Variants in SLC35F3 observed in about 807,000 individuals in gnomAD.
SLC35F3 encodes solute carrier family 35 member F3.
A neutral mutation model predicts 49.9 loss-of-function variants in SLC35F3; 25 were observed. That is an observed-to-expected ratio of 0.50 (90% CI 0.37 to 0.70). The LOEUF is 0.70. Ranked by LOEUF, SLC35F3 falls within the 30% of genes least tolerant of loss-of-function variation. The pLI, the probability that SLC35F3 is intolerant of heterozygous loss-of-function variation, is 0.00. For synonymous variants in SLC35F3, 275 were observed against 265.4 expected (o/e 1.04, Z -0.35); for missense variants, 525 against 639.8 (o/e 0.82, Z 1.94).
chr1:233,999,287 C>T (rs910803403), intron 2 of SLC35F3, among the ~76,000 whole-genome samples: 1 of 152,174 alleles, frequency 6.6e-6, no homozygotes, highest in Non-Finnish European at 1.5e-5. Flanking sequence ...TGATCATTCA[C>T]GGCAGAGCTT....
At chr1:234,108,487 G>A (rs1665329702) in intron 2 of SLC35F3, among the ~76,000 whole-genome samples, 3 of 93,258 alleles carry the variant, frequency 3.2e-5, no homozygotes, top group African/African-American at 4.0e-5. Context: ...ATATATAAAA[G>A]ATATATATTA....
rs1282353036 is a variant in SLC35F3 at position 234,076,444 on chromosome 1, T to C, written c.284-154973T>C. 2.6e-5 allele frequency among the ~76,000 whole-genome samples: 4 copies of C among 151,050 alleles called. No homozygotes were observed. The East Asian group carries it at 6.1e-4, about 23-fold the overall frequency. ...GAGACCCTGTCTCTCTCTACAAAAA[T>C]AATAATAATCATCATAATAATTTTT... On this transcript the variant is annotated intron_variant, in intron 2 of 7. Transcript: ENST00000366618.
At chr1:234,078,196 A>C (rs1182011246) in intron 2 of SLC35F3, among the ~76,000 whole-genome samples, 1 of 152,160 alleles carries the variant, frequency 6.6e-6, no homozygotes, top group Non-Finnish European at 1.5e-5. Flanking sequence ...ATTGGTCTTA[A>C]GTCTTTCTCA....
At chr1:234,310,945 T>C (rs560328462) in intron 4 of SLC35F3, among the ~76,000 whole-genome samples, 1 of 152,200 alleles carries the variant, frequency 6.6e-6, no homozygotes, top group Non-Finnish European at 1.5e-5. Context: ...CCTCAGAATA[T>C]GGCACATTCC....
intron 2 of SLC35F3, among the ~76,000 whole-genome samples, chr1:234,099,892 G>A (rs7523277): frequency 0.73 from 111,290 of 152,154 alleles, 41,089 homozygotes; most frequent in East Asian, 0.83. Flanking sequence ...TGCTTTAGAA[G>A]TATTTGCTAA....
At chr1:234,132,525 T>C (rs1187884941) in intron 2 of SLC35F3, among the ~76,000 whole-genome samples, 4 of 152,228 alleles carry the variant, frequency 2.6e-5, no homozygotes, top group African/African-American at 9.6e-5. Flanking sequence ...TTCAGCAGCA[T>C]TGTGTATTAA....
intron 2 of SLC35F3, among the ~76,000 whole-genome samples, chr1:234,208,217 G>GAATCATAA (rs1201811802): frequency 6.6e-6 from 1 of 152,148 alleles, no homozygotes; most frequent in Non-Finnish European, 1.5e-5. Context: ...GGTCTCAAGG[G>GAATCATAA]AATCATAAGT....
chr1:234,231,657 A>G lies in SLC35F3; in HGVS notation c.524A>G (p.Asn175Ser), dbSNP rs778098021. ...APFTLTWFAT[N>S]WNFLFFPLYY... The stretch of plus-strand genomic sequence containing the variant: ...TTCACCCTCACGTGGTTTGCCACCA[A>G]CTGGAACTTTTTATTCTTCCCGTTG... The change falls in exon 3 of 8, where the codon AAC becomes AGC. Residue 175 changes from asparagine (N) to serine (S), a missense_variant. Physicochemically the swap from Asn to Ser is conservative, Grantham distance 46. Coordinates refer to ENST00000366618, the MANE Select transcript of SLC35F3 (RefSeq NM_173508.4). This position sits in a 1 kb window ranked among gnomAD's most constrained non-coding sequence, Gnocchi z 5.4. 10 of 1,614,040 alleles carry G rather than the reference A, an allele frequency of 6.2e-6. No homozygotes were observed. Among genetic ancestry groups the G allele is most frequent in the African/African-American group, 2.7e-5 (2 of 74,926 alleles).
At chr1:233,982,827 A>G (rs1358318029) in intron 2 of SLC35F3, among the ~76,000 whole-genome samples, 1 of 152,218 alleles carries the variant, frequency 6.6e-6, no homozygotes, top group Non-Finnish European at 1.5e-5. Flanking sequence ...GACGTTAACA[A>G]CTACCCTGTT....
At chr1:234,092,670 C>T (rs1481286517) in intron 2 of SLC35F3, among the ~76,000 whole-genome samples, 1 of 152,126 alleles carries the variant, frequency 6.6e-6, no homozygotes, top group Non-Finnish European at 1.5e-5. Flanking sequence ...GAATTTGAGA[C>T]CAGCTTGGAC....
intron 3 of SLC35F3, among the ~76,000 whole-genome samples, chr1:234,252,227 G>A (rs369418649): frequency 1.3e-5 from 2 of 152,062 alleles, no homozygotes; most frequent in South Asian, 2.1e-4. Flanking sequence ...ACACCACTAC[G>A]CCTGGCTAAT....
chr1:234,300,786 A>G (rs1326908339), intron 3 of SLC35F3, among the ~76,000 whole-genome samples: 3 of 152,238 alleles, frequency 2.0e-5, no homozygotes, highest in Non-Finnish European at 4.4e-5. Flanking sequence ...CTCTGAGTGT[A>G]GTGTGGAAAA....
chr1:234,004,353 T>TTGCAGTTAAAAGGATATA (rs1360860674), intron 2 of SLC35F3, among the ~76,000 whole-genome samples: 1 of 152,190 alleles, frequency 6.6e-6, no homozygotes, highest in Non-Finnish European at 1.5e-5. Context: ...TCAGAAATAT[T>TTGCAGTTAAAAGGATATA]TCTCAGTTAA....
chr1:234,150,416 A>G (rs1030757140), intron 2 of SLC35F3, among the ~76,000 whole-genome samples: 2 of 152,182 alleles, frequency 1.3e-5, no homozygotes. Context: ...CTACACCATC[A>G]TCTTATACAT....
intron 2 of SLC35F3, among the ~76,000 whole-genome samples, chr1:233,948,072 G>C (rs1662542218): frequency 6.7e-6 from 1 of 149,198 alleles, no homozygotes; most frequent in African/African-American, 2.5e-5. Context: ...TGGAAAATTA[G>C]GTAAGGCATT....
intron 2 of SLC35F3, among the ~76,000 whole-genome samples, chr1:234,157,661 C>G (rs1466993258): frequency 6.6e-6 from 1 of 152,160 alleles, no homozygotes; most frequent in Non-Finnish European, 1.5e-5. Context: ...TTCCTTTGCA[C>G]ATTGTATTCT....
At position 234,103,401 on chromosome 1, in the gene SLC35F3, G is replaced by A. The variant is rs1202078022; in HGVS notation, c.284-128016G>A. 2.0e-5 allele frequency among the ~76,000 whole-genome samples: 3 copies of A among 152,182 alleles called. No homozygotes were observed. In the East Asian group the frequency reaches 5.8e-4, roughly 29 times the overall value. Reference sequence around the variant, plus strand: ...GGCCAAGGGTCCCAGGGTGGGTGGGGAAGGGTGAGGTGGCCGAGTCCACAG... The same window carrying A: ...GGCCAAGGGTCCCAGGGTGGGTGGGAAAGGGTGAGGTGGCCGAGTCCACAG... On this transcript the variant is annotated intron_variant, in intron 2 of 7. Transcript: ENST00000366618.
intron 2 of SLC35F3, among the ~76,000 whole-genome samples, chr1:234,136,114 C>T (rs1665806704): frequency 6.6e-6 from 1 of 152,120 alleles, no homozygotes; most frequent in African/African-American, 2.4e-5. Context: ...TCTTAGGAAG[C>T]CTTCCCTGAA....
intron 2 of SLC35F3, among the ~76,000 whole-genome samples, chr1:233,999,282 A>T (rs143326320): frequency 6.6e-6 from 1 of 152,186 alleles, no homozygotes; most frequent in Non-Finnish European, 1.5e-5. Flanking sequence ...CCGAGTGATC[A>T]TTCACGGCAG....
Sources: gnomAD v4.1 joint callset for allele counts (sites outside exome capture counted in the v4.1 genomes callset) on GRCh38, gnomAD v4.1.1 for gene constraint, Gnocchi (gnomAD v3.1) non-coding constraint, MANE v1.5 for transcripts, NCBI Gene and HGNC (gene_info 2026-07-23, HGNC 2026-07-21) for gene names.